The following PREX1 variants were observed in gnomAD, a reference collection of about 807,000 sequenced individuals.
The protein encoded by PREX1 is phosphatidylinositol 3,4,5-trisphosphate-dependent Rac exchanger 1 protein.
In PREX1, 41 loss-of-function variants were observed where a neutral mutation model predicts 198.3. That is an observed-to-expected ratio of 0.21 (90% confidence interval 0.16 to 0.27). The LOEUF (loss-of-function observed/expected upper bound fraction) is 0.27, where lower values mean the gene tolerates loss of function less well. Among genes scored for constraint, PREX1 ranks in the 10% least tolerant of loss-of-function variants. The pLI is 1.00. For missense variants in PREX1, 1,620 were observed against 2,200.7 expected (o/e 0.74, Z 5.28); for synonymous variants, 843 against 887.2 (o/e 0.95, Z 0.89).
chr20:48,674,186 C>A (rs565475036), intron 14 of PREX1, among the ~76,000 whole-genome samples: 2 of 152,304 alleles, frequency 1.3e-5, no homozygotes, highest in African/African-American at 4.8e-5. Flanking sequence ...ACATAGGGTC[C>A]CATATCATAG....
chr20:48,857,258 T>C, the PREX1 span, among the ~76,000 whole-genome samples: 1 of 152,180 alleles, frequency 6.6e-6, no homozygotes, highest in Non-Finnish European at 1.5e-5. Flanking sequence ...GAAACACACC[T>C]CATCTGAGAC....
Position 48,679,650 on chromosome 20 carries a change from C to T in PREX1, c.1539+1G>A. On this transcript the variant is annotated splice_donor_variant, in intron 12 of 39. Coordinates refer to ENST00000371941, the MANE Select transcript of PREX1 (RefSeq NM_020820.4). LOFTEE classifies it high-confidence loss of function. ...GAGTCACAGGGGCGGAGGGCCCCTA[C>T]CTTGGACATGATGTCCTCCAGCTCA... 6.2e-7 allele frequency: 1 copy of T among 1,605,196 alleles called. No homozygotes were observed. The highest frequency in any genetic ancestry group is 8.5e-7 in the Non-Finnish European group (1 of 1,171,952).
chr20:48,731,811 A>G (rs1211298453), intron 4 of PREX1, among the ~76,000 whole-genome samples: 2 of 152,204 alleles, frequency 1.3e-5, no homozygotes, highest in Admixed American at 6.5e-5. Flanking sequence ...TGCTGCTAGG[A>G]ATAGGGCAGT....
chr20:48,652,447 G>GA (rs1239306762), intron 21 of PREX1, 139 bp downstream of exon 21: 32,823 of 1,064,018 alleles, frequency 0.031, 8 homozygotes, highest in South Asian at 0.034. Flanking sequence ...CTCCAAAAAG[G>GA]AAAAAAAAAA....
At chr20:48,767,014 C>T (rs561370628) in intron 1 of PREX1, among the ~76,000 whole-genome samples, 25 of 152,332 alleles carry the variant, frequency 1.6e-4, no homozygotes, top group South Asian at 6.2e-4. Context: ...ATCTGCACAG[C>T]GCCCACCACT....
chr20:48,746,939 TG>T (rs2090110281), intron 2 of PREX1, among the ~76,000 whole-genome samples: 1 of 132,438 alleles, frequency 7.6e-6, no homozygotes, highest in Non-Finnish European at 1.6e-5. Flanking sequence ...TCCCAGTGCA[TG>T]AACACACACA....
At chr20:48,632,184 T>G in intron 35 of PREX1, 93 bp downstream of exon 35, 1 of 1,213,696 alleles carries the variant, frequency 8.2e-7, no homozygotes. Context: ...CCACTGCCCA[T>G]GCTGGGGGTC....
At chr20:48,811,851 C>A (rs1349970201) in intron 1 of PREX1, among the ~76,000 whole-genome samples, 1 of 152,240 alleles carries the variant, frequency 6.6e-6, no homozygotes, top group East Asian at 1.9e-4. Context: ...CTTAAACCTC[C>A]CTCTCTGTCC....
the PREX1 span, among the ~76,000 whole-genome samples, chr20:48,882,525 A>AAAAAAAAG: frequency 5.4e-4 from 53 of 97,838 alleles, 4 homozygotes; most frequent in East Asian, 1.2e-3. Flanking sequence ...AAAAAAAAAA[A>AAAAAAAAG]AGAGAGAATC....
intron 14 of PREX1, 131 bp downstream of exon 14, chr20:48,676,062 T>G: frequency 1.1e-6 from 1 of 895,832 alleles, no homozygotes. Flanking sequence ...AAGATCAAGA[T>G]GGTAAATTTT....
the PREX1 span, chr20:48,849,404 C>T: frequency 6.6e-6 from 1 of 152,060 alleles, no homozygotes; most frequent in Non-Finnish European, 1.5e-5. Context: ...TTACAAAAAT[C>T]TTGCATTATA....
the PREX1 span, among the ~76,000 whole-genome samples, chr20:48,862,786 A>ATATATAT: frequency 1.3e-4 from 7 of 52,384 alleles, no homozygotes; most frequent in African/African-American, 1.2e-4. Context: ...AGCCTAAAAA[A>ATATATAT]AAAAATATAT....
chr20:48,626,150 T>C (rs1601022074), intron 39 of PREX1, among the ~76,000 whole-genome samples: 1 of 152,312 alleles, frequency 6.6e-6, no homozygotes, highest in Non-Finnish European at 1.5e-5. Flanking sequence ...CATTTACAAA[T>C]GAAGACGTGT....
chr20:48,873,109 C>A, the PREX1 span, among the ~76,000 whole-genome samples: 1 of 152,162 alleles, frequency 6.6e-6, no homozygotes, highest in Non-Finnish European at 1.5e-5. Flanking sequence ...GGCCATTGGA[C>A]TCAGCTCTGA....
intron 1 of PREX1, among the ~76,000 whole-genome samples, chr20:48,752,034 A>G (rs2122800202): frequency 6.6e-6 from 1 of 152,322 alleles, no homozygotes; most frequent in Non-Finnish European, 1.5e-5. Context: ...GAAATGTTCT[A>G]TATCTTGATC....
At chr20:48,784,223 G>T (rs2090302193) in intron 1 of PREX1, among the ~76,000 whole-genome samples, 1 of 152,144 alleles carries the variant, frequency 6.6e-6, no homozygotes, top group Admixed American at 6.5e-5. Context: ...TTTGCAAAAT[G>T]ACTCTTTATC....
intron 10 of PREX1, among the ~76,000 whole-genome samples, chr20:48,686,732 T>A (rs2089787259): frequency 6.6e-6 from 1 of 152,228 alleles, no homozygotes; most frequent in South Asian, 2.1e-4. Flanking sequence ...GAGTTCCTGA[T>A]CTTTGAGGAA....
At chr20:48,698,041 G>A (rs1346643715) in intron 7 of PREX1, among the ~76,000 whole-genome samples, 1 of 152,154 alleles carries the variant, frequency 6.6e-6, no homozygotes, top group East Asian at 1.9e-4. Context: ...CCAATCTCCT[G>A]GGCCTCTCAG....
chr20:48,650,726 ATGATG>A (rs1177115141), intron 23 of PREX1, among the ~76,000 whole-genome samples, 163 bp downstream of exon 23: 1 of 152,240 alleles, frequency 6.6e-6, no homozygotes, highest in Non-Finnish European at 1.5e-5. Context: ...CCGCACTGCT[ATGATG>A]TGATAAGTTC....
Sources: gnomAD v4.1 joint callset for allele counts (sites outside exome capture counted in the v4.1 genomes callset) on GRCh38, gnomAD v4.1.1 for gene constraint, MANE v1.5 for transcripts, NCBI Gene and HGNC (gene_info 2026-07-23, HGNC 2026-07-21) for gene names.